The following MAT2A variants were observed in gnomAD, a reference collection of about 807,000 sequenced individuals.
The protein encoded by MAT2A is S-adenosylmethionine synthase isoform type-2.
A neutral mutation model predicts 43.9 loss-of-function variants in MAT2A; 3 were observed. The ratio of observed to expected loss-of-function variants is 0.07; its 90% CI spans 0.03 to 0.18. The LOEUF is 0.18. MAT2A is among the 10% of genes least tolerant of loss of function. The probability of loss-of-function intolerance (pLI) is 1.00; values close to 1 mark genes in which losing one functional copy is unlikely to be tolerated. For synonymous variants in MAT2A, 200 were observed against 168.4 expected (o/e 1.19, Z -1.45); for missense variants, 204 against 489.0 (o/e 0.42, Z 5.50).
rs1454093295 is a variant in MAT2A at position 85,544,888 on chromosome 2, T to C, written c.*1116T>C. ...ATTGCTTATTTATTGTATTCTGGGG[T>C]ATGGCGTAAGTACAGAGAAGCCATC... On this transcript the variant is annotated 3_prime_UTR_variant, in exon 9 of 9. Coordinates refer to ENST00000306434, the MANE Select transcript of MAT2A (RefSeq NM_005911.6). 1 of 152,604 alleles carries C rather than the reference T, an allele frequency of 6.6e-6. No homozygotes were observed. Among genetic ancestry groups the C allele is most frequent in the Non-Finnish European group, 1.5e-5 (1 of 68,038 alleles). The allele number at this position is 152,604 out of a possible 1,614,324, so 9.5% of individuals were successfully genotyped here.
chr2:85,541,557 T>C (rs1016170076), intron 3 of MAT2A, 76 bp from the exon 4 acceptor site: 1 of 1,354,406 alleles, frequency 7.4e-7, no homozygotes, highest in African/African-American at 1.5e-5. Flanking sequence ...TCAGCAGTGT[T>C]TAGAATTCCA....
chr2:85,542,262 G>A lies in MAT2A; in HGVS notation c.657G>A (p.Arg219=). The change falls in exon 6 of 9, where the codon AGG becomes AGA. Residue 219 remains arginine (R), a synonymous_variant. Transcript: ENST00000306434. ...HDEEVCLDEM[R]DALKEKVIKA... ...AAGAGGTTTGTCTTGATGAAATGAG[G>A]GATGCCCTAAAGGAGAAAGTCATCA... 6.2e-7 allele frequency: 1 copy of A among 1,614,022 alleles called. No homozygotes were observed. The highest frequency in any genetic ancestry group is 1.3e-5 in the African/African-American group (1 of 75,010).
Position 85,539,210 on chromosome 2 carries a change from C to T in MAT2A, c.-78C>T, listed in dbSNP as rs1277785052. On this transcript the variant is annotated 5_prime_UTR_variant, in exon 1 of 9. Transcript: ENST00000306434. ...CGCCTGCTACGAGTAGAACGCTGTC[C>T]GCAGCTTGCGCATTTCGCAGCCGCT... 58 of 1,031,998 alleles carry T rather than the reference C, an allele frequency of 5.6e-5. No homozygotes were observed. Among genetic ancestry groups the T allele is most frequent in the Non-Finnish European group, 7.2e-5 (49 of 683,828 alleles). 63.9% of individuals were successfully genotyped at this position (1,031,998 alleles called of 1,614,324 possible).
intron 6 of MAT2A, 57 bp downstream of exon 6, chr2:85,542,430 T>C (rs1691500226): frequency 2.5e-6 from 4 of 1,575,410 alleles, no homozygotes; most frequent in Admixed American, 3.5e-5. Flanking sequence ...AAATTTTGGC[T>C]ACTACATTTT....
At position 85,544,757 on chromosome 2, in the gene MAT2A, A is replaced by C. The variant is rs1691577000; in HGVS notation, c.*985A>C. The stretch of plus-strand genomic sequence containing the variant: ...TGTTTTATTTTCAAAACCAGGTCCA[A>C]TGAGCTTTCTGAACAGCTGGTGTAG... On this transcript the variant is annotated 3_prime_UTR_variant, in exon 9 of 9. Coordinates refer to ENST00000306434, the MANE Select transcript of MAT2A (RefSeq NM_005911.6). 2 of 152,602 alleles carry C rather than the reference A, an allele frequency of 1.3e-5. No homozygotes were observed. The highest frequency in any genetic ancestry group is 4.8e-5 in the African/African-American group (2 of 41,434). The allele number at this position is 152,602 out of a possible 1,614,324, so 9.5% of individuals were successfully genotyped here. A position where few individuals can be genotyped will look rare whatever the true frequency, so the allele number is the denominator to read the frequency against.
At chr2:85,539,595 C>G (rs1278496672) in intron 1 of MAT2A, 1 of 435,128 alleles carries the variant, frequency 2.3e-6, no homozygotes, top group South Asian at 3.6e-5. Flanking sequence ...TCCCTTCCCC[C>G]CTCCCTTTTC....
chr2:85,541,545 C>G (rs763168024), intron 3 of MAT2A, 88 bp from the exon 4 acceptor site: 1 of 1,310,008 alleles, frequency 7.6e-7, no homozygotes, highest in Non-Finnish European at 1.1e-6. Context: ...TATTTGATTT[C>G]TTCAGCAGTG....
rs1394885634 is a variant in MAT2A, at chr2:85,544,486, A to G, written c.*714A>G. ...CTTTCAGCTGTCTTTTGGAGGACGT[A>G]CGTAATAAGGTTTTAATTTAGTAAA... On this transcript the variant is annotated 3_prime_UTR_variant, in exon 9 of 9. Transcript: ENST00000306434. 2 of 152,666 alleles carry G rather than the reference A, an allele frequency of 1.3e-5. No individual in the cohort carries two copies. Among genetic ancestry groups the G allele is most frequent in the African/African-American group, 4.8e-5 (2 of 41,466 alleles). 9.5% of individuals were successfully genotyped at this position (152,666 alleles called of 1,614,324 possible).
chr2:85,541,288 C>T lies in MAT2A; in HGVS notation c.203C>T (p.Ala68Val), dbSNP rs1268632980. Reference sequence around the variant, plus strand: ...GCTAAAACTGGAATGATCCTTCTTGCTGGGGAAATTACATCCAGAGCTGCT... The same window carrying T: ...GCTAAAACTGGAATGATCCTTCTTGTTGGGGAAATTACATCCAGAGCTGCT... The part of the protein sequence containing the change: ...TVAKTGMILL[A>V]GEITSRAAVD... The change falls in exon 3 of 9, where the codon GCT becomes GTT. Residue 68 changes from alanine (A) to valine (V), a missense_variant. By Grantham distance (64) the Ala-to-Val change is moderately conservative (BLOSUM62 0). This residue lies in a region of MAT2A where 103 missense variants were observed against 226.4 expected (regional missense o/e 0.45). Coordinates refer to ENST00000306434, the MANE Select transcript of MAT2A (RefSeq NM_005911.6). The T allele has an allele frequency of 3.1e-6, 5 of 1,614,032 alleles. No homozygotes were observed. The highest frequency in any genetic ancestry group is 3.4e-6 in the Non-Finnish European group (4 of 1,180,016).
Position 85,539,302 on chromosome 2 carries a change from C to G in MAT2A, c.15C>G (p.Leu5=). The stretch of plus-strand genomic sequence containing the variant: ...CCGACACCAACATGAACGGACAGCT[C>G]AACGGCTTCCACGAGGCGTTCATCG... The part of the protein sequence containing the change: MNGQ[L]NGFHEAFIEE... Residue 5 remains leucine (L), a synonymous_variant, in exon 1 of 9, where the codon CTC becomes CTG. Transcript: ENST00000306434. The G allele has an allele frequency of 1.2e-6, 2 of 1,605,470 alleles. No individual in the cohort carries two copies. The highest frequency in any genetic ancestry group is 1.7e-6 in the Non-Finnish European group (2 of 1,176,510).
chr2:85,541,771 ATCTCT>A, intron 4 of MAT2A, 26 bp downstream of exon 4: 3 of 1,613,926 alleles, frequency 1.9e-6, no homozygotes, highest in South Asian at 2.2e-5. Context: ...GGCTGTTTTA[ATCTCT>A]TCTAACATTA....
intron 8 of MAT2A, 31 bp downstream of exon 8, chr2:85,543,065 G>A (rs776630573): frequency 1.0e-5 from 16 of 1,607,358 alleles, no homozygotes; most frequent in Admixed American, 3.4e-5. Context: ...TGCTAGTCAA[G>A]TATTGAGGGT....
chr2:85,541,216 A>AT, intron 2 of MAT2A, 39 bp from the exon 3 acceptor site: 1 of 1,612,576 alleles, frequency 6.2e-7, no homozygotes, highest in Non-Finnish European at 8.5e-7. Flanking sequence ...AATTATTTTT[A>AT]TAGAAGTGAT....
In MAT2A at chr2:85,545,280, A is replaced by C. The variant is rs1292008040; in HGVS notation, c.*1508A>C. 2.6e-5 allele frequency: 4 copies of C among 152,660 alleles called. No homozygotes were observed. Among genetic ancestry groups the C allele is most frequent in the Non-Finnish European group, 5.9e-5 (4 of 68,044 alleles). The allele number at this position is 152,660 out of a possible 1,614,324, so 9.5% of individuals were successfully genotyped here. On this transcript the variant is annotated 3_prime_UTR_variant, in exon 9 of 9. Transcript: ENST00000306434. ...AAATAAAATGCTAGGTTCTACCTTA[A>C]CTGTGTCTGTTACTCATTTGTTAAA...
chr2:85,542,028 C>G, intron 5 of MAT2A, 56 bp downstream of exon 5: 2 of 1,598,340 alleles, frequency 1.3e-6, no homozygotes, highest in Admixed American at 1.7e-5. Context: ...CACAGAAGAT[C>G]CATAATTTTG....
At chr2:85,543,156 T>C (rs1200334336) in intron 8 of MAT2A, 122 bp downstream of exon 8, 7 of 1,165,950 alleles carry the variant, frequency 6.0e-6, no homozygotes, top group Non-Finnish European at 8.5e-6. Context: ...ATATTTTAAT[T>C]CCTGGAACAG....
rs1399680538 is a variant in MAT2A at position 85,542,148 on chromosome 2, C to T, written c.550-7C>T. The T allele has an allele frequency of 1.2e-6, 2 of 1,612,044 alleles. No homozygotes were observed. The highest frequency in any genetic ancestry group is 1.3e-5 in the African/African-American group (1 of 74,910). ...GTGATGTTCTGATGACCTGTGTTGCCTTCAAGGTTACTGTGCAGTATATGC... is the reference window on the plus strand; with the variant it reads ...GTGATGTTCTGATGACCTGTGTTGCTTTCAAGGTTACTGTGCAGTATATGC... On this transcript the variant is annotated splice_region_variant and splice_polypyrimidine_tract_variant and intron_variant, in intron 5 of 8. Transcript: ENST00000306434.
At chr2:85,540,683 A>G (rs1228413064) in intron 1 of MAT2A, among the ~76,000 whole-genome samples, 2 of 152,222 alleles carry the variant, frequency 1.3e-5, no homozygotes, top group African/African-American at 4.8e-5. Context: ...CATTTTAGTC[A>G]GAAAATGCTT....
At position 85,544,143 on chromosome 2, in the gene MAT2A, T is replaced by TG. The variant is rs1254828628; in HGVS notation, c.*372dup. Reference sequence around the variant, plus strand: ...CCAGATGCTGAAAATGTCCTTGTGATGTGCACGTAAAGTACTTGTAGTTCC... The same window carrying TG: ...CCAGATGCTGAAAATGTCCTTGTGATGGTGCACGTAAAGTACTTGTAGTTCC... On this transcript the variant is annotated 3_prime_UTR_variant, in exon 9 of 9. Coordinates refer to ENST00000306434, the MANE Select transcript of MAT2A (RefSeq NM_005911.6). The TG allele has an allele frequency of 6.0e-6, 1 of 168,026 alleles. No individual in the cohort carries two copies. The highest frequency in any genetic ancestry group is 2.4e-5 in the African/African-American group (1 of 41,872). 10.4% of individuals were successfully genotyped at this position (168,026 alleles called of 1,614,324 possible).
Sources: gnomAD v4.1 joint callset for allele counts (sites outside exome capture counted in the v4.1 genomes callset) on GRCh38, gnomAD v4.1.1 for gene constraint, gnomAD v4.1.1 regional missense constraint, MANE v1.5 for transcripts, NCBI Gene and HGNC (gene_info 2026-07-23, HGNC 2026-07-21) for gene names.